The following GPC3 variants were observed in gnomAD, a reference collection of about 807,000 sequenced individuals.
GPC3 encodes the protein glypican 3.
In GPC3, 3 loss-of-function variants were observed where a neutral mutation model predicts 34.4. That is an observed-to-expected ratio of 0.09 (90% CI 0.04 to 0.23). The LOEUF (loss-of-function observed/expected upper bound fraction) is 0.23. Ranked by LOEUF, GPC3 falls within the 10% of genes least tolerant of loss-of-function variation. The pLI is 1.00. For synonymous variants in GPC3, 177 were observed against 174.0 expected (o/e 1.02, Z -0.13); for missense variants, 351 against 445.6 (o/e 0.79, Z 1.91).
chrX:133,712,253 A>G (rs1348030155), intron 3 of GPC3, among the ~76,000 whole-genome samples: 1 of 111,994 alleles, frequency 8.9e-6, no homozygotes, highest in Non-Finnish European at 1.9e-5. Context: ...GTAGATTACA[A>G]CTGTAATTAA....
chrX:133,981,396 G>C (rs982686588), intron 1 of GPC3, among the ~76,000 whole-genome samples: 2 of 111,897 alleles, frequency 1.8e-5, no homozygotes, highest in Non-Finnish European at 3.8e-5. Flanking sequence ...TTCAGCCCAA[G>C]GTGCCCCACC....
intron 2 of GPC3, among the ~76,000 whole-genome samples, chrX:133,838,765 A>G (rs1054539254): frequency 3.6e-5 from 4 of 111,907 alleles, no homozygotes; most frequent in Non-Finnish European, 7.5e-5. Context: ...TAAAGGCCAT[A>G]ATCACATGGG....
intron 5 of GPC3, among the ~76,000 whole-genome samples, chrX:133,685,270 C>T (rs1039690676): frequency 1.8e-5 from 2 of 111,569 alleles, no homozygotes; most frequent in Non-Finnish European, 3.8e-5. Context: ...TATGATTTTA[C>T]ACATCTCATG....
At chrX:133,601,647 G>A in intron 6 of GPC3, among the ~76,000 whole-genome samples, 1 of 111,713 alleles carries the variant, frequency 9.0e-6, no homozygotes, top group Non-Finnish European at 1.9e-5. Flanking sequence ...TAATCATCAG[G>A]AACATTCACA....
At chrX:133,891,030 T>TA (rs1194255195) in intron 2 of GPC3, among the ~76,000 whole-genome samples, 20 of 107,003 alleles carry the variant, frequency 1.9e-4, no homozygotes, top group Non-Finnish European at 3.3e-4. Flanking sequence ...CACTGTCTCT[T>TA]AAAAAAAAAT....
chrX:133,537,366 G>A (rs1338883517), intron 7 of GPC3, among the ~76,000 whole-genome samples: 2 of 111,730 alleles, frequency 1.8e-5, no homozygotes, highest in East Asian at 2.8e-4. Context: ...TGAGATGCCC[G>A]GCAACAGGCA....
At chrX:133,722,621 C>T (rs756034083) in intron 3 of GPC3, among the ~76,000 whole-genome samples, 1 of 111,952 alleles carries the variant, frequency 8.9e-6, no homozygotes, top group Non-Finnish European at 1.9e-5. Flanking sequence ...AAGCTTTGTA[C>T]CTGGTAGGCA....
At chrX:133,838,914 T>G (rs1276499803) in intron 2 of GPC3, among the ~76,000 whole-genome samples, 1 of 111,452 alleles carries the variant, frequency 9.0e-6, no homozygotes, top group Admixed American at 9.6e-5. Flanking sequence ...CGACCCAGTG[T>G]TAAGGGAGCA....
intron 2 of GPC3, among the ~76,000 whole-genome samples, chrX:133,784,620 C>T (rs2072084014): frequency 8.9e-6 from 1 of 112,359 alleles, no homozygotes; most frequent in Admixed American, 9.4e-5. Flanking sequence ...TCCCCTTTAA[C>T]AGCAGACTGT....
chrX:133,790,907 T>C (rs929396547), intron 2 of GPC3, among the ~76,000 whole-genome samples: 1 of 111,516 alleles, frequency 9.0e-6, no homozygotes, highest in African/African-American at 3.3e-5. Context: ...TACTCAAAGC[T>C]GGGGGAGCCA....
chrX:133,833,503 C>T lies in GPC3; in HGVS notation c.338-79327G>A, dbSNP rs566941052. On this transcript the variant is annotated intron_variant, in intron 2 of 7. Coordinates refer to ENST00000370818, the MANE Select transcript of GPC3 (RefSeq NM_004484.4). ...AAACAGACGCTGAGCACTTGTTAAG[C>T]GCCAGGCACTGCACTAAGTGGAAAA... Among the ~76,000 whole-genome samples the T allele has an allele frequency of 6.3e-5, 7 of 111,382 alleles. No homozygotes were observed. In the South Asian group the frequency reaches 1.1e-3, roughly 18 times the overall value.
chrX:133,844,305 G>A (rs914839678), intron 2 of GPC3, among the ~76,000 whole-genome samples: 2 of 112,157 alleles, frequency 1.8e-5, no homozygotes, highest in East Asian at 2.8e-4. Flanking sequence ...ACACACAAAC[G>A]GTAACTAGGT....
chrX:133,722,394 A>G (rs2071375490), intron 3 of GPC3, among the ~76,000 whole-genome samples: 1 of 111,760 alleles, frequency 8.9e-6, no homozygotes, highest in Admixed American at 9.5e-5. Flanking sequence ...TACAAGGTTC[A>G]GAGTACAGGA....
intron 7 of GPC3, among the ~76,000 whole-genome samples, chrX:133,562,548 T>A (rs920606396): frequency 4.5e-5 from 5 of 111,007 alleles, no homozygotes; most frequent in African/African-American, 1.6e-4. Flanking sequence ...CGAGAATTGC[T>A]TGACCCCAGG....
chrX:133,907,582 A>G (rs2076174865), intron 2 of GPC3, among the ~76,000 whole-genome samples: 1 of 112,216 alleles, frequency 8.9e-6, no homozygotes, highest in Admixed American at 9.5e-5. Flanking sequence ...ATATCATACT[A>G]TATACACAGC....
In GPC3 at chrX:133,953,224, A is replaced by C. The variant is rs747303175; in HGVS notation, c.176-13T>G. On this transcript the variant is annotated splice_polypyrimidine_tract_variant and intron_variant, in intron 1 of 7. Coordinates refer to ENST00000370818, the MANE Select transcript of GPC3 (RefSeq NM_004484.4). ...TGCAAATCTGATCCTGAAACAAACA[A>C]GGTTTTCATGTTTCAGTAAGCAGGA... The C allele has an allele frequency of 3.3e-6, 4 of 1,204,035 alleles. No individual in the cohort carries two copies. In the Admixed American group the frequency reaches 8.7e-5, roughly 26 times the overall value.
chrX:133,753,424 C>T, intron 3 of GPC3, 58 bp downstream of exon 3: 1 of 929,363 alleles, frequency 1.1e-6, no homozygotes, highest in Non-Finnish European at 1.6e-6. Flanking sequence ...GTACCTGCTA[C>T]TGGCCACCTC....
At chrX:133,764,314 G>C (rs746880421) in intron 2 of GPC3, among the ~76,000 whole-genome samples, 1 of 111,291 alleles carries the variant, frequency 9.0e-6, no homozygotes, top group African/African-American at 3.3e-5. Flanking sequence ...TGCTTCATAC[G>C]TAGGTGATGA....
At chrX:133,721,456 T>C (rs1401741787) in intron 3 of GPC3, among the ~76,000 whole-genome samples, 3 of 110,316 alleles carry the variant, frequency 2.7e-5, no homozygotes, top group Non-Finnish European at 3.8e-5. Context: ...CAAGAAGAAA[T>C]AGAAAATGAA....
Sources: allele counts gnomAD v4.1 joint callset (sites outside exome capture counted in the v4.1 genomes callset), GRCh38; gene constraint gnomAD v4.1.1; transcripts MANE v1.5; gene names NCBI Gene and HGNC (gene_info 2026-07-23, HGNC 2026-07-21).